Variants in CFTR observed in about 807,000 individuals in gnomAD.
CFTR encodes CF transmembrane conductance regulator, also known as cystic fibrosis transmembrane conductance regulator.
A neutral mutation model predicts 171.6 loss-of-function variants in CFTR; 181 were observed. That is an observed-to-expected ratio of 1.05 (90% CI 0.93 to 1.19). The LOEUF (loss-of-function observed/expected upper bound fraction) is 1.19. Ranked by LOEUF, CFTR falls within the 50% of genes most tolerant of loss-of-function variation. The pLI is 0.00. For missense variants in CFTR, 1,968 were observed against 1,734.7 expected, an observed-to-expected ratio of 1.13 and a Z score of -2.39; for synonymous variants, 583 against 608.0, an observed-to-expected ratio of 0.96 and a Z score of 0.60.
In CFTR at chr7:117,602,866, G is replaced by C; in HGVS notation, c.2657+3G>C. On this transcript the variant is annotated splice_donor_region_variant and intron_variant, in intron 16 of 26. Transcript: ENST00000003084. The stretch of plus-strand genomic sequence containing the variant: ...GTTGTGCTGTGGCTCCTTGGAAAGT[G>C]AGTATTCCATGTCCTATTGTGTAGA... 1 of 1,611,606 alleles carries C rather than the reference G, an allele frequency of 6.2e-7. No individual in the cohort carries two copies. The highest frequency in any genetic ancestry group is 8.5e-7 in the Non-Finnish European group (1 of 1,177,682).
At position 117,480,064 on chromosome 7, in the gene CFTR, C is replaced by T. The variant is rs1325740718; in HGVS notation, c.-31C>T. The T allele has an allele frequency of 2.5e-6, 4 of 1,611,794 alleles. No individual in the cohort carries two copies. Among genetic ancestry groups the T allele is most frequent in the Non-Finnish European group, 3.4e-6 (4 of 1,178,146 alleles). ...GCATTAGGAGCTTGAGCCCAGACGG[C>T]CCTAGCAGGGACCCCAGCGCCCGAG... On this transcript the variant is annotated 5_prime_UTR_variant, in exon 1 of 27. Transcript: ENST00000003084.
chr7:117,588,448 T>C (rs1425888736), intron 12 of CFTR, among the ~76,000 whole-genome samples: 1 of 152,122 alleles, frequency 6.6e-6, no homozygotes, highest in East Asian at 1.9e-4. Flanking sequence ...GTGGTTAAAC[T>C]GTAACTTTCA....
chr7:117,610,827 T>G (rs1345830126), intron 19 of CFTR, among the ~76,000 whole-genome samples, 158 bp downstream of exon 19: 1 of 152,218 alleles, frequency 6.6e-6, no homozygotes, highest in African/African-American at 2.4e-5. Flanking sequence ...AAAAGGAAAC[T>G]ATATTACAAA....
chr7:117,584,320 CTT>C (rs1366552192), intron 11 of CFTR, among the ~76,000 whole-genome samples: 29 of 151,994 alleles, frequency 1.9e-4, no homozygotes, highest in Non-Finnish European at 4.1e-4. Flanking sequence ...AGATTTAAGT[CTT>C]TGATTCATCT....
chr7:117,563,838 C>A (rs1231637422), intron 11 of CFTR, among the ~76,000 whole-genome samples: 7 of 152,106 alleles, frequency 4.6e-5, no homozygotes, highest in Non-Finnish European at 1.0e-4. Context: ...GTCCCTGTTC[C>A]CTTTTTTGTC....
intron 11 of CFTR, among the ~76,000 whole-genome samples, chr7:117,570,842 G>A (rs574588038): frequency 1.3e-5 from 2 of 152,276 alleles, no homozygotes; most frequent in East Asian, 3.9e-4. Context: ...CCAAAGATTA[G>A]TGAACTAATG....
At chr7:117,482,829 A>G (rs1456263186) in intron 1 of CFTR, among the ~76,000 whole-genome samples, 2 of 152,182 alleles carry the variant, frequency 1.3e-5, no homozygotes, top group Admixed American at 6.5e-5. Flanking sequence ...GTAAGAGTGT[A>G]TATCAAACCG....
chr7:117,564,580 C>T (rs956261138), intron 11 of CFTR: 1 of 166,416 alleles, frequency 6.0e-6, no homozygotes, highest in Non-Finnish European at 1.5e-5. Context: ...CTCTATGAAG[C>T]CCCGATCACC....
chr7:117,571,972 A>C (rs747407364), intron 11 of CFTR, among the ~76,000 whole-genome samples: 2 of 140,328 alleles, frequency 1.4e-5, no homozygotes, highest in East Asian at 2.1e-4. Context: ...AGTTCCTATC[A>C]GTGAAGGAAA....
At chr7:117,554,160 T>C (rs896902859) in intron 10 of CFTR, among the ~76,000 whole-genome samples, 2 of 152,162 alleles carry the variant, frequency 1.3e-5, no homozygotes, top group Non-Finnish European at 2.9e-5. Context: ...TAGGCTATTC[T>C]GTAGGGAGAC....
intron 3 of CFTR, among the ~76,000 whole-genome samples, chr7:117,523,866 T>C (rs1798726128): frequency 1.3e-5 from 2 of 152,140 alleles, no homozygotes; most frequent in African/African-American, 4.8e-5. Flanking sequence ...TTACTCAAAA[T>C]AAAAAAATCT....
intron 15 of CFTR, among the ~76,000 whole-genome samples, chr7:117,598,503 A>G (rs1474958328): frequency 1.3e-5 from 2 of 152,214 alleles, no homozygotes; most frequent in Admixed American, 1.3e-4. Flanking sequence ...TCACTCCACC[A>G]TGGTCCAGTA....
chr7:117,642,131 C>G (rs112336018), intron 22 of CFTR, among the ~76,000 whole-genome samples: 41 of 152,240 alleles, frequency 2.7e-4, no homozygotes, highest in African/African-American at 8.9e-4. Flanking sequence ...TTTGCTTTTC[C>G]TTTATGCAAA....
intron 10 of CFTR, among the ~76,000 whole-genome samples, chr7:117,551,295 A>C (rs766998196): frequency 3.3e-5 from 5 of 152,246 alleles, no homozygotes; most frequent in Non-Finnish European, 5.9e-5. Flanking sequence ...TATACTCTTA[A>C]GTGAATAAAG....
At chr7:117,503,171 C>T (rs957496207) in intron 1 of CFTR, among the ~76,000 whole-genome samples, 26 of 152,314 alleles carry the variant, frequency 1.7e-4, no homozygotes, top group Admixed American at 1.6e-3. Flanking sequence ...ATTTATCCTG[C>T]TTCTCAGATA....
intron 20 of CFTR, among the ~76,000 whole-genome samples, chr7:117,612,759 G>A (rs1792426989): frequency 6.6e-6 from 1 of 152,126 alleles, no homozygotes; most frequent in African/African-American, 2.4e-5. Flanking sequence ...ACAGGCACAA[G>A]AGAGTCAGCT....
At position 117,559,500 on chromosome 7, in the gene CFTR, C is replaced by A. The variant is rs139054556; in HGVS notation, c.1429C>A (p.Pro477Thr). ...AATGGTGATTATGGGAGAACTGGAG[C>A]CTTCAGAGGGTAAAATTAAGCACAG... ...LLMVIMGELE[P>T]SEGKIKHSGR... The change falls in exon 11 of 27, where the codon CCT (proline) becomes ACT (threonine). Residue 477 changes from proline to threonine, a missense_variant. Coordinates refer to ENST00000003084, the MANE Select transcript of CFTR (RefSeq NM_000492.4). The A allele has an allele frequency of 6.2e-7, 1 of 1,610,960 alleles. No individual in the cohort carries two copies. Among genetic ancestry groups the A allele is most frequent in the South Asian group, 1.1e-5 (1 of 91,020 alleles).
intron 20 of CFTR, among the ~76,000 whole-genome samples, chr7:117,612,023 G>GTATATATATATATATATATATA (rs772661286): frequency 1.3e-4 from 7 of 53,240 alleles, no homozygotes; most frequent in Admixed American, 4.0e-4. Flanking sequence ...ATATATATAT[G>GTATATATATATATATATATATA]TATATATATA....
At chr7:117,642,086 GC>G (rs1792923475) in intron 22 of CFTR, among the ~76,000 whole-genome samples, 1 of 152,122 alleles carries the variant, frequency 6.6e-6, no homozygotes, top group Non-Finnish European at 1.5e-5. Context: ...TCTGGCTTGA[GC>G]CTATGTTTAG....
Sources: gnomAD v4.1 joint callset for allele counts (sites outside exome capture counted in the v4.1 genomes callset) on GRCh38, gnomAD v4.1.1 for gene constraint, MANE v1.5 for transcripts, NCBI Gene and HGNC (gene_info 2026-07-23, HGNC 2026-07-21) for gene names.